Variants in CLIP2 observed in about 807,000 individuals in gnomAD.
CLIP2 encodes CAP-Gly domain containing linker protein 2.
CLIP2 carries 41 observed loss-of-function variants against 111.7 expected under a neutral mutation model. The observed-to-expected ratio is 0.37, with a 90% CI of 0.29 to 0.48. CLIP2 has a LOEUF of 0.48. Ranked by LOEUF, CLIP2 falls within the 20% of genes least tolerant of loss-of-function variation. The pLI is 0.99. For missense variants in CLIP2, 1,160 were observed against 1,422.1 expected, an observed-to-expected ratio of 0.82 and a Z score of 2.96; for synonymous variants, 660 against 644.2, an observed-to-expected ratio of 1.02 and a Z score of -0.37.
At chr7:74,396,460 ATGTG>A (rs141831013) in intron 13 of CLIP2, among the ~76,000 whole-genome samples, 60,676 of 151,052 alleles carry the variant, frequency 0.4, 12,198 homozygotes, top group Middle Eastern at 0.43. Flanking sequence ...TTTTGGGGTT[ATGTG>A]TGTGTGTGTG....
At chr7:74,393,448 T>A (rs1791353319) in intron 13 of CLIP2, among the ~76,000 whole-genome samples, 1 of 152,114 alleles carries the variant, frequency 6.6e-6, no homozygotes, top group Non-Finnish European at 1.5e-5. Flanking sequence ...GTGATTCTCC[T>A]GCCTCAGCCT....
intron 11 of CLIP2, 97 bp downstream of exon 11, chr7:74,380,960 C>A: frequency 1.6e-6 from 2 of 1,222,888 alleles, no homozygotes; most frequent in Non-Finnish European, 2.4e-6. Context: ...GCATCATCTG[C>A]CATTTGGTAA....
intron 13 of CLIP2, among the ~76,000 whole-genome samples, chr7:74,395,905 C>T (rs1008358842): frequency 6.6e-6 from 1 of 152,144 alleles, no homozygotes; most frequent in African/African-American, 2.4e-5. Context: ...TGCAGTGCTC[C>T]CCGCCTCATG....
Position 74,305,338 on chromosome 7 carries a change from C to G in CLIP2, c.-67-12142C>G, listed in dbSNP as rs541314582. The stretch of plus-strand genomic sequence containing the variant: ...GCTGGTGGGTTGTGCAGCCTGGCCT[C>G]CCCCGCAAAGGCTGGTCCCATTCCT... On this transcript the variant is annotated intron_variant, in intron 1 of 16. Transcript: ENST00000223398. Among the ~76,000 whole-genome samples, 4 of 152,258 alleles carry G rather than the reference C, an allele frequency of 2.6e-5. No homozygotes were observed. In the South Asian group the frequency reaches 8.3e-4, roughly 32 times the overall value.
intron 14 of CLIP2, among the ~76,000 whole-genome samples, chr7:74,399,290 T>C (rs1554317166): frequency 6.6e-6 from 1 of 151,938 alleles, no homozygotes; most frequent in Admixed American, 6.6e-5. Flanking sequence ...ATAATCCCAC[T>C]GCTTTGGGAG....
intron 3 of CLIP2, among the ~76,000 whole-genome samples, chr7:74,349,939 T>G (rs555781786): frequency 6.6e-6 from 1 of 151,656 alleles, no homozygotes; most frequent in African/African-American, 2.4e-5. Flanking sequence ...CTATGAAGTG[T>G]CCAGAAGAGA....
chr7:74,404,702 ATACG>A lies in CLIP2; in HGVS notation c.*855_*858del, dbSNP rs1791721030. On this transcript the variant is annotated 3_prime_UTR_variant, in exon 17 of 17. Coordinates refer to ENST00000223398, the MANE Select transcript of CLIP2 (RefSeq NM_003388.5). ...TAGGCAGGTTTGACAAAGGTCAGTA[ATACG>A]GTTTCCCCTGGGGTTGACCAGATGT... 6.6e-6 allele frequency: 1 copy of A among 152,520 alleles called. No homozygotes were observed. Among genetic ancestry groups the A allele is most frequent in the South Asian group, 2.1e-4 (1 of 4,828 alleles). 9.4% of individuals were successfully genotyped at this position (152,520 alleles called of 1,614,324 possible).
At chr7:74,366,970 G>T (rs1790484242) in intron 8 of CLIP2, among the ~76,000 whole-genome samples, 1 of 150,846 alleles carries the variant, frequency 6.6e-6, no homozygotes, top group Admixed American at 6.6e-5. Context: ...AGCCCCTGAT[G>T]CTCCTTGGCC....
chr7:74,319,170 G>A (rs1281726059), intron 2 of CLIP2, among the ~76,000 whole-genome samples: 1 of 152,120 alleles, frequency 6.6e-6, no homozygotes, highest in Non-Finnish European at 1.5e-5. Context: ...TCCACGTGGA[G>A]GGAATGGGTG....
At chr7:74,307,823 G>T (rs1052823588) in intron 1 of CLIP2, among the ~76,000 whole-genome samples, 2 of 152,156 alleles carry the variant, frequency 1.3e-5, no homozygotes. Context: ...GGCTGCTGGG[G>T]GGTGGTTCAG....
intron 16 of CLIP2, among the ~76,000 whole-genome samples, chr7:74,402,232 AG>A (rs1791642208): frequency 6.7e-6 from 1 of 149,846 alleles, no homozygotes; most frequent in South Asian, 2.2e-4. Flanking sequence ...CTGGAGGCTG[AG>A]GCAGGATAAT....
chr7:74,326,569 G>A (rs1402793656), intron 2 of CLIP2, among the ~76,000 whole-genome samples: 1 of 152,096 alleles, frequency 6.6e-6, no homozygotes, highest in Non-Finnish European at 1.5e-5. Context: ...GGCTATGTGA[G>A]GCAAGGCCCA....
At chr7:74,293,166 T>C (rs1010316817) in intron 1 of CLIP2, among the ~76,000 whole-genome samples, 14 of 152,212 alleles carry the variant, frequency 9.2e-5, no homozygotes, top group Non-Finnish European at 2.9e-5. Context: ...GGGATTATTT[T>C]GTTGCAAGGA....
rs374368565 is a variant in CLIP2, at chr7:74,354,021, C to T, written c.803+17C>T. 1 of 1,602,156 alleles carries T rather than the reference C, an allele frequency of 6.2e-7. No homozygotes were observed. On this transcript the variant is annotated intron_variant, in intron 4 of 16. Coordinates refer to ENST00000223398, the MANE Select transcript of CLIP2 (RefSeq NM_003388.5). The stretch of plus-strand genomic sequence containing the variant: ...GGGCACCAGGTATGGTGGGCTTCTT[C>T]TGGGGAGTATGGGAGGGGGCTCCTC...
Position 74,357,455 on chromosome 7 carries a change from T to A in CLIP2, c.1193T>A (p.Leu398Gln), listed in dbSNP as rs1223704254. ...TGCGAGGTGGAGAAGGAGATTGCCC[T>A]GCTCAAGGCACAGCATGAGCAGGTG... Reference protein sequence around the residue: ...HICEVEKEIALLKAQHEQYVA... With the variant: ...HICEVEKEIAQLKAQHEQYVA... The change falls in exon 6 of 17, where the codon CTG becomes CAG. Residue 398 changes from leucine (L) to glutamine (Q), a missense_variant. Leu to Gln is a moderately radical substitution (Grantham distance 113, BLOSUM62 -2). Transcript: ENST00000223398. The A allele has an allele frequency of 6.2e-7, 1 of 1,613,516 alleles. No homozygotes were observed. The highest frequency in any genetic ancestry group is 8.5e-7 in the Non-Finnish European group (1 of 1,179,824).
At position 74,382,336 on chromosome 7, in the gene CLIP2, A is replaced by C. The variant is rs1301746619; in HGVS notation, c.2479+1473A>C. 4.1e-3 allele frequency among the ~76,000 whole-genome samples: 269 copies of C among 66,002 alleles called. 1 individual carries two copies. In the Middle Eastern group the frequency reaches 0.058, roughly 14 times the overall value. The allele number at this position is 66,002 out of a possible 152,430, so 43.3% of individuals were successfully genotyped here. ...TTTTTTTTTTTTAAGACAGAGTCTC[A>C]CTCTGTTGCCCAGGCTGGAGTGCAG... On this transcript the variant is annotated intron_variant, in intron 11 of 16. Coordinates refer to ENST00000223398, the MANE Select transcript of CLIP2 (RefSeq NM_003388.5).
intron 14 of CLIP2, among the ~76,000 whole-genome samples, chr7:74,399,792 G>A (rs964862429): frequency 1.9e-4 from 29 of 151,586 alleles, no homozygotes; most frequent in Non-Finnish European, 2.2e-4. Flanking sequence ...TGCCTGCCTC[G>A]GCCTCCCAAA....
At chr7:74,292,514 A>G (rs10259878) in intron 1 of CLIP2, among the ~76,000 whole-genome samples, 35,706 of 151,924 alleles carry the variant, frequency 0.24, 5,603 homozygotes, top group African/African-American at 0.45. Flanking sequence ...AGCTTCTCGA[A>G]TAGCTGGGAC....
At chr7:74,398,976 T>G (rs1791537628) in intron 14 of CLIP2, among the ~76,000 whole-genome samples, 1 of 152,190 alleles carries the variant, frequency 6.6e-6, no homozygotes, top group Non-Finnish European at 1.5e-5. Context: ...CAGGGTAGCC[T>G]CTTGTCTCAT....
Sources: gnomAD v4.1 joint callset for allele counts (sites outside exome capture counted in the v4.1 genomes callset) on GRCh38, gnomAD v4.1.1 for gene constraint, MANE v1.5 for transcripts, NCBI Gene and HGNC (gene_info 2026-07-23, HGNC 2026-07-21) for gene names.